The following TMEM9 variants were observed in gnomAD, a reference collection of about 807,000 sequenced individuals.
TMEM9 encodes proton-transporting V-type ATPase complex assembly regulator TMEM9.
Under a neutral mutation model 22.8 loss-of-function variants are expected in TMEM9, and 13 were observed. The observed-to-expected ratio is 0.57, with a 90% CI of 0.37 to 0.91. The LOEUF (loss-of-function observed/expected upper bound fraction) is 0.91. TMEM9 is among the 40% of genes least tolerant of loss of function. TMEM9 has a pLI of 0.01. For synonymous variants in TMEM9, 88 were observed against 93.0 expected (o/e 0.95, Z 0.31); for missense variants, 182 against 238.1 (o/e 0.76, Z 1.55).
chr1:201,160,852 C>T (rs1169962669), intron 1 of TMEM9, among the ~76,000 whole-genome samples: 3 of 151,248 alleles, frequency 2.0e-5, no homozygotes, highest in South Asian at 2.1e-4. Flanking sequence ...AGGAGAATGG[C>T]GTGAACCCGG....
At chr1:201,165,506 G>A (rs1397355389) in intron 1 of TMEM9, among the ~76,000 whole-genome samples, 2 of 150,760 alleles carry the variant, frequency 1.3e-5, no homozygotes, top group African/African-American at 4.9e-5. Flanking sequence ...GCGCGATCTT[G>A]ACTCGCTACA....
intron 2 of TMEM9, among the ~76,000 whole-genome samples, chr1:201,147,467 AT>A (rs1376426796): frequency 6.6e-6 from 1 of 152,138 alleles, no homozygotes; most frequent in African/African-American, 2.4e-5. Context: ...AAGGCCAGTG[AT>A]TTTACTTCCC....
chr1:201,166,224 A>G (rs1486526619), intron 1 of TMEM9, among the ~76,000 whole-genome samples: 2 of 151,830 alleles, frequency 1.3e-5, no homozygotes. Flanking sequence ...TTTCTTTCCT[A>G]TGACTGTCTT....
intron 4 of TMEM9, among the ~76,000 whole-genome samples, chr1:201,137,897 C>A (rs1664143448): frequency 6.6e-6 from 1 of 152,192 alleles, no homozygotes; most frequent in Non-Finnish European, 1.5e-5. Flanking sequence ...AGTTCCATGC[C>A]TTCCCTGTTC....
chr1:201,167,521 G>T (rs1044594708), intron 1 of TMEM9, among the ~76,000 whole-genome samples: 6 of 152,210 alleles, frequency 3.9e-5, no homozygotes, highest in African/African-American at 7.2e-5. Context: ...GACGTTATCT[G>T]CAGGAGTCAC....
intron 4 of TMEM9, among the ~76,000 whole-genome samples, chr1:201,140,678 C>A (rs1004701723): frequency 6.6e-6 from 1 of 152,222 alleles, no homozygotes; most frequent in Non-Finnish European, 1.5e-5. Context: ...GATCTCACCC[C>A]TAACTGGGTC....
chr1:201,141,782 G>A (rs1365025254), intron 4 of TMEM9, among the ~76,000 whole-genome samples: 1 of 152,114 alleles, frequency 6.6e-6, no homozygotes, highest in Non-Finnish European at 1.5e-5. Flanking sequence ...CTTCAAATGA[G>A]GAGCACTCCA....
At chr1:201,136,685 G>A (rs1664019314) in intron 4 of TMEM9, among the ~76,000 whole-genome samples, 1 of 152,128 alleles carries the variant, frequency 6.6e-6, no homozygotes, top group Non-Finnish European at 1.5e-5. Context: ...CCACTTCTCT[G>A]CCTCTGAAGC....
intron 1 of TMEM9, among the ~76,000 whole-genome samples, chr1:201,170,950 T>C (rs1666196710): frequency 6.6e-6 from 1 of 152,184 alleles, no homozygotes; most frequent in Non-Finnish European, 1.5e-5. Flanking sequence ...TCCCGCAGAA[T>C]GAGAACATTT....
intron 4 of TMEM9, among the ~76,000 whole-genome samples, chr1:201,136,290 G>C (rs1448350928): frequency 6.6e-6 from 1 of 152,212 alleles, no homozygotes; most frequent in East Asian, 1.9e-4. Flanking sequence ...GGTGCCCCCA[G>C]GGCTAGTACT....
At chr1:201,153,811 C>T (rs1304822212) in intron 1 of TMEM9, 47 bp downstream of exon 1, 24 of 1,611,078 alleles carry the variant, frequency 1.5e-5, no homozygotes, top group Non-Finnish European at 2.0e-5. Context: ...GACAGGGTGG[C>T]CGTGCACTGT....
At chr1:201,160,621 ATTTTT>A (rs151096062) in intron 1 of TMEM9, among the ~76,000 whole-genome samples, 92,782 of 147,894 alleles carry the variant, frequency 0.63, 29,394 homozygotes, top group East Asian at 0.76. Context: ...TACTGGGGAA[ATTTTT>A]TTTTTTTTTT....
At chr1:201,146,515 C>T (rs1326818193) in intron 3 of TMEM9, 4 of 637,260 alleles carry the variant, frequency 6.3e-6, no homozygotes, top group African/African-American at 3.6e-5. Flanking sequence ...CAGGGCTCTC[C>T]CCTCTCACTG....
upstream of TMEM9, among the ~76,000 whole-genome samples, chr1:201,158,478 A>G (rs1006403921): frequency 6.6e-6 from 1 of 151,984 alleles, no homozygotes; most frequent in African/African-American, 2.4e-5. Flanking sequence ...GAGCAAAGAG[A>G]TGGGACTGGG....
intron 3 of TMEM9, chr1:201,145,068 C>T (rs2365296): frequency 0.78 from 118,842 of 152,146 alleles, 46,439 homozygotes; most frequent in South Asian, 0.87. Flanking sequence ...TGGGGCACCG[C>T]GTTCACGCCT....
chr1:201,160,945 A>T (rs906976179), intron 1 of TMEM9, among the ~76,000 whole-genome samples: 1 of 152,110 alleles, frequency 6.6e-6, no homozygotes, highest in Admixed American at 6.5e-5. Context: ...CCAAAAAAAA[A>T]AAAAAATATT....
At chr1:201,152,814 C>T (rs1232692597) in intron 1 of TMEM9, among the ~76,000 whole-genome samples, 1 of 152,190 alleles carries the variant, frequency 6.6e-6, no homozygotes, top group Non-Finnish European at 1.5e-5. Flanking sequence ...GACATGGTAA[C>T]AATGAGTGAC....
At chr1:201,165,738 T>C (rs1031959892) in intron 1 of TMEM9, among the ~76,000 whole-genome samples, 2 of 152,124 alleles carry the variant, frequency 1.3e-5, no homozygotes, top group Non-Finnish European at 2.9e-5. Flanking sequence ...CCTGGCCAAT[T>C]GTCCTTTAAT....
chr1:201,147,715 G>T (rs1463053599), intron 2 of TMEM9, among the ~76,000 whole-genome samples: 1 of 152,160 alleles, frequency 6.6e-6, no homozygotes, highest in African/African-American at 2.4e-5. Flanking sequence ...AGCCCCTAGG[G>T]CCAATGCTAA....
Sources: allele counts gnomAD v4.1 joint callset (sites outside exome capture counted in the v4.1 genomes callset), GRCh38; gene constraint gnomAD v4.1.1; transcripts MANE v1.5; gene names NCBI Gene and HGNC (gene_info 2026-07-23, HGNC 2026-07-21).